SIMC1: variants seen among roughly 807,000 people sequenced by gnomAD.
The protein encoded by SIMC1 is SUMO-interacting motif-containing protein 1.
A neutral mutation model predicts 82.3 loss-of-function variants in SIMC1; 55 were observed. The ratio of observed to expected loss-of-function variants is 0.67; its 90% confidence interval spans 0.54 to 0.84. SIMC1 has a LOEUF of 0.84. Ranked by LOEUF, SIMC1 falls within the 40% of genes least tolerant of loss-of-function variation. The pLI is 0.00. For missense variants in SIMC1, 915 were observed against 1,107.2 expected (o/e 0.83, Z 2.46); for synonymous variants, 353 against 426.3 (o/e 0.83, Z 2.12).
rs183171271 is a variant in SIMC1 at position 176,330,457 on chromosome 5, T to C, written c.2171+5700T>C. Among the ~76,000 whole-genome samples, 728 of 149,856 alleles carry C rather than the reference T, an allele frequency of 4.9e-3. 5 individuals carry two copies. Among genetic ancestry groups the C allele is most frequent in the African/African-American group, 0.017 (687 of 40,868 alleles). ...TTGAAGGAATGACTAACTCCAGAAC[T>C]GTGTTAGGTAAAGTACAAGATGAGC... On this transcript the variant is annotated intron_variant, in intron 7 of 9. Coordinates refer to ENST00000429602, the MANE Select transcript of SIMC1 (RefSeq NM_001308195.2).
chr5:176,243,663 C>T (rs945802730), intron 1 of SIMC1, among the ~76,000 whole-genome samples: 1 of 152,016 alleles, frequency 6.6e-6, no homozygotes, highest in African/African-American at 2.4e-5. Flanking sequence ...GCCGGGACTA[C>T]AAGCACACCA....
chr5:176,290,533 C>T lies in SIMC1; in HGVS notation c.1009C>T (p.His337Tyr), dbSNP rs754096197. The T allele has an allele frequency of 1.9e-6, 3 of 1,613,958 alleles. No homozygotes were observed. The highest frequency in any genetic ancestry group is 2.2e-5 in the South Asian group (2 of 91,078). The change falls in exon 2 of 10, where the codon CAC becomes TAC. Residue 337 changes from histidine to tyrosine, a missense_variant. Physicochemically the swap from His to Tyr is moderately conservative, Grantham distance 83. Around this residue, in one of 2 missense-constraint regions of SIMC1, gnomAD observed 902 missense variants for 1,040.3 expected, o/e 0.87. Coordinates refer to ENST00000429602, the MANE Select transcript of SIMC1 (RefSeq NM_001308195.2). ...DAPQSPGGMPHLPGDVLHSPG... is the reference protein window; with the variant it reads ...DAPQSPGGMPYLPGDVLHSPG... ...ACCACAGTCACCAGGGGGCATGCCACACTTACCGGGAGATGTGTTACATTC... is the reference window on the plus strand; with the variant it reads ...ACCACAGTCACCAGGGGGCATGCCATACTTACCGGGAGATGTGTTACATTC...
chr5:176,252,923 C>T (rs981721319), intron 1 of SIMC1, among the ~76,000 whole-genome samples: 31 of 152,218 alleles, frequency 2.0e-4, no homozygotes, highest in African/African-American at 7.0e-4. Context: ...AGATCACTCG[C>T]GGTTAGGAGC....
At chr5:176,273,936 G>T (rs1223416645) in intron 1 of SIMC1, among the ~76,000 whole-genome samples, 1 of 151,694 alleles carries the variant, frequency 6.6e-6, no homozygotes, top group Non-Finnish European at 1.5e-5. Context: ...CCAAGTCTTT[G>T]CTATTGTGAA....
intron 7 of SIMC1, among the ~76,000 whole-genome samples, chr5:176,336,374 T>C (rs1421835498): frequency 1.3e-5 from 2 of 152,198 alleles, no homozygotes; most frequent in Non-Finnish European, 2.9e-5. Context: ...TTCCTTTTAT[T>C]TATCTTAATA....
intron 5 of SIMC1, among the ~76,000 whole-genome samples, chr5:176,315,053 A>G (rs1241841514): frequency 6.6e-6 from 1 of 152,146 alleles, no homozygotes; most frequent in African/African-American, 2.4e-5. Flanking sequence ...TTTTCAACTT[A>G]CAGTGGTGTC....
intron 1 of SIMC1, among the ~76,000 whole-genome samples, chr5:176,276,685 A>G (rs1241949038): frequency 7.0e-6 from 1 of 143,498 alleles, no homozygotes; most frequent in Non-Finnish European, 1.5e-5. Flanking sequence ...CCTATGAGTG[A>G]GAATATGCGG....
At chr5:176,308,794 A>G in intron 4 of SIMC1, 1 of 1,262,756 alleles carries the variant, frequency 7.9e-7, no homozygotes, top group Non-Finnish European at 1.2e-6. Flanking sequence ...CAGGAGGAGC[A>G]GGATGCATAT....
At chr5:176,308,686 G>A in intron 4 of SIMC1, 2 of 1,546,092 alleles carry the variant, frequency 1.3e-6, no homozygotes, top group African/African-American at 1.4e-5. Context: ...GAAGAGGAAA[G>A]GTATGAGAGA....
intron 4 of SIMC1, 104 bp from the exon 5 acceptor site, chr5:176,313,587 T>C: frequency 6.4e-7 from 1 of 1,564,134 alleles, no homozygotes; most frequent in Non-Finnish European, 8.7e-7. Flanking sequence ...GCATACTTGT[T>C]GATGCATGGC....
chr5:176,273,483 A>G (rs527731971), intron 1 of SIMC1, among the ~76,000 whole-genome samples: 9 of 152,330 alleles, frequency 5.9e-5, no homozygotes, highest in African/African-American at 2.2e-4. Flanking sequence ...GATGGGGAGA[A>G]ACCAGAGCAG....
At position 176,270,974 on chromosome 5, in the gene SIMC1, G is replaced by A. The variant is rs116020779; in HGVS notation, c.130-18680G>A. 4.1e-3 allele frequency among the ~76,000 whole-genome samples: 629 copies of A among 152,260 alleles called. 3 individuals are homozygous for A. Among genetic ancestry groups the A allele is most frequent in the Middle Eastern group, 0.01 (3 of 294 alleles). On this transcript the variant is annotated intron_variant, in intron 1 of 9. Transcript: ENST00000429602. ...GAGCCAGTGGATTTGGGGTCCACAC[G>A]ATCTAGTGAGACACCAGCTGGGGCA...
chr5:176,252,973 A>C (rs1190066584), intron 1 of SIMC1, among the ~76,000 whole-genome samples: 1 of 152,216 alleles, frequency 6.6e-6, no homozygotes, highest in Non-Finnish European at 1.5e-5. Context: ...CCCTGTCTCC[A>C]CCAAAAAAAT....
chr5:176,311,420 T>A (rs1764657332), intron 4 of SIMC1, among the ~76,000 whole-genome samples: 1 of 151,942 alleles, frequency 6.6e-6, no homozygotes, highest in African/African-American at 2.4e-5. Context: ...TTATTTTTAT[T>A]TTTGTAGAGA....
chr5:176,265,156 A>G (rs1052818591), intron 1 of SIMC1, among the ~76,000 whole-genome samples: 1 of 152,144 alleles, frequency 6.6e-6, no homozygotes, highest in African/African-American at 2.4e-5. Context: ...AAACCCTCCT[A>G]GGACCTAATT....
At chr5:176,322,462 G>A in intron 6 of SIMC1, 37 bp downstream of exon 6, 10 of 1,585,670 alleles carry the variant, frequency 6.3e-6, no homozygotes, top group Non-Finnish European at 8.6e-6. Context: ...GGGGCTCTTG[G>A]GGTTTAGTGT....
chr5:176,308,505 G>A (rs1764523794), intron 4 of SIMC1: 2 of 1,606,666 alleles, frequency 1.2e-6, no homozygotes, highest in Non-Finnish European at 1.7e-6. Context: ...GATGGATCAA[G>A]GCTTTGTAGG....
chr5:176,270,991 G>A (rs1457345834), intron 1 of SIMC1, among the ~76,000 whole-genome samples: 5 of 152,280 alleles, frequency 3.3e-5, no homozygotes, highest in South Asian at 4.1e-4. Context: ...TGAGACACCA[G>A]CTGGGGCAGC....
intron 3 of SIMC1, 104 bp from the exon 4 acceptor site, chr5:176,296,147 A>T: frequency 6.3e-7 from 1 of 1,580,970 alleles, no homozygotes; most frequent in Non-Finnish European, 8.6e-7. Flanking sequence ...AGCATGGAGG[A>T]TAATGGAGGA....
Sources: gnomAD v4.1 joint callset for allele counts (sites outside exome capture counted in the v4.1 genomes callset) on GRCh38, gnomAD v4.1.1 for gene constraint, gnomAD v4.1.1 regional missense constraint, MANE v1.5 for transcripts, NCBI Gene and HGNC (gene_info 2026-07-23, HGNC 2026-07-21) for gene names.